PKHD1: variants seen among roughly 807,000 people sequenced by gnomAD.
PKHD1 encodes PKHD1 ciliary IPT domain containing fibrocystin/polyductin, also known as fibrocystin.
Under a neutral mutation model 412.0 loss-of-function variants are expected in PKHD1, and 291 were observed. That is an observed-to-expected ratio of 0.71 (90% CI 0.64 to 0.78). PKHD1 has a LOEUF of 0.78. PKHD1 is among the 30% of genes least tolerant of loss of function. The probability of loss-of-function intolerance (pLI) is 0.00; values close to 1 mark genes in which losing one functional copy is unlikely to be tolerated. For synonymous variants in PKHD1, 1,777 were observed against 1,821.5 expected, an observed-to-expected ratio of 0.98 and a Z score of 0.62; for missense variants, 4,825 against 4,950.7, an observed-to-expected ratio of 0.97 and a Z score of 0.76.
intron 51 of PKHD1, among the ~76,000 whole-genome samples, chr6:51,835,589 A>T (rs1769068918): frequency 6.6e-6 from 1 of 152,218 alleles, no homozygotes; most frequent in African/African-American, 2.4e-5. Context: ...GCAAAGAGAG[A>T]TGAAGGACAA....
At chr6:51,780,390 GAA>G (rs1404226110) in intron 53 of PKHD1, among the ~76,000 whole-genome samples, 1 of 129,008 alleles carries the variant, frequency 7.8e-6, no homozygotes. Context: ...CCATCTCAAA[GAA>G]AAAAAAAAAA....
intron 60 of PKHD1, among the ~76,000 whole-genome samples, chr6:51,697,593 G>A (rs891934292): frequency 3.3e-5 from 5 of 152,180 alleles, no homozygotes; most frequent in African/African-American, 9.7e-5. Context: ...GTACACCCCC[G>A]TGTCCCCAGT....
intron 25 of PKHD1, among the ~76,000 whole-genome samples, chr6:52,044,393 G>A (rs747818583): frequency 6.6e-6 from 1 of 152,090 alleles, no homozygotes; most frequent in African/African-American, 2.4e-5. Flanking sequence ...AAAGGAAGAG[G>A]TATTGCAATG....
chr6:51,858,862 A>T (rs1482661038), intron 48 of PKHD1, among the ~76,000 whole-genome samples: 2 of 152,164 alleles, frequency 1.3e-5, no homozygotes, highest in African/African-American at 4.8e-5. Flanking sequence ...GGGTCAAGAG[A>T]TTTCCTGCAA....
At chr6:52,086,498 C>A (rs1486371160) in intron 1 of PKHD1, among the ~76,000 whole-genome samples, 1 of 151,956 alleles carries the variant, frequency 6.6e-6, no homozygotes, top group Non-Finnish European at 1.5e-5. Context: ...TATACTCCCC[C>A]CCTCAAAAAA....
chr6:51,925,608 A>C (rs1008736628), intron 37 of PKHD1, among the ~76,000 whole-genome samples: 4 of 152,196 alleles, frequency 2.6e-5, no homozygotes, highest in Non-Finnish European at 4.4e-5. Context: ...AGTATGAAGT[A>C]ACTTGAACTG....
chr6:52,004,960 C>G (rs1581699122), intron 35 of PKHD1, among the ~76,000 whole-genome samples: 1 of 152,116 alleles, frequency 6.6e-6, no homozygotes, highest in South Asian at 2.1e-4. Context: ...TCAAGGGACC[C>G]CTGCAGACTT....
chr6:51,889,362 G>T (rs574834655), intron 43 of PKHD1, among the ~76,000 whole-genome samples: 1 of 152,128 alleles, frequency 6.6e-6, no homozygotes, highest in Non-Finnish European at 1.5e-5. Flanking sequence ...CTCTATGCAG[G>T]GCTCAGTGGG....
At chr6:51,654,118 AT>A in intron 61 of PKHD1, among the ~76,000 whole-genome samples, 1 of 152,292 alleles carries the variant, frequency 6.6e-6, no homozygotes, top group East Asian at 1.9e-4. Context: ...TATGTGATAT[AT>A]TGAATGATAA....
intron 36 of PKHD1, among the ~76,000 whole-genome samples, chr6:51,946,149 AT>A: frequency 6.6e-6 from 1 of 152,320 alleles, no homozygotes; most frequent in Middle Eastern, 3.4e-3. Flanking sequence ...TTGAAACATC[AT>A]TTACTGACAG....
chr6:51,663,442 T>C (rs1284075013), intron 60 of PKHD1, among the ~76,000 whole-genome samples: 1 of 152,144 alleles, frequency 6.6e-6, no homozygotes, highest in Non-Finnish European at 1.5e-5. Context: ...TTCTCAATCA[T>C]TCTCTGCTAC....
intron 30 of PKHD1, 92 bp from the exon 31 acceptor site, chr6:52,027,988 A>G: frequency 8.4e-7 from 1 of 1,194,158 alleles, no homozygotes; most frequent in East Asian, 2.3e-5. Context: ...TGAGGAGAAG[A>G]GCAAACTGTC....
chr6:51,660,996 C>T (rs142804947), intron 60 of PKHD1, among the ~76,000 whole-genome samples: 182 of 152,214 alleles, frequency 1.2e-3, no homozygotes, highest in African/African-American at 3.7e-3. Flanking sequence ...GGCAACCAGC[C>T]TCCATCCTGA....
At chr6:51,707,417 T>C (rs1443161202) in intron 60 of PKHD1, among the ~76,000 whole-genome samples, 1 of 152,122 alleles carries the variant, frequency 6.6e-6, no homozygotes, top group African/African-American at 2.4e-5. Flanking sequence ...CAAACTCAAT[T>C]TCTTCCACCT....
intron 54 of PKHD1, among the ~76,000 whole-genome samples, chr6:51,773,551 A>T (rs1790501773): frequency 6.6e-6 from 1 of 151,416 alleles, no homozygotes; most frequent in Non-Finnish European, 1.5e-5. Context: ...TTATATTTAG[A>T]TAAAAAATAT....
chr6:51,776,464 C>T (rs1232586979), intron 53 of PKHD1, among the ~76,000 whole-genome samples: 2 of 151,974 alleles, frequency 1.3e-5, no homozygotes, highest in African/African-American at 4.8e-5. Context: ...TTGATGTAAA[C>T]CACTGAGATT....
Position 51,903,703 on chromosome 6 carries a change from A to G in PKHD1, c.6890T>C (p.Ile2297Thr). Reference protein sequence around the residue: ...KDDWSGHGNIIRNNVIIQVSG... With the variant: ...KDDWSGHGNITRNNVIIQVSG... ...AACCTGGATGATCACGTTGTTTCTT[A>G]TTATATTTCCATGTCCTGACCAGTC... Residue 2297 changes from isoleucine to threonine, a missense_variant, in exon 43 of 67, where the codon ATA becomes ACA. By Grantham distance (89) the Ile-to-Thr change is moderately conservative. Transcript: ENST00000371117. 1 of 1,611,524 alleles carries G rather than the reference A, an allele frequency of 6.2e-7. No homozygotes were observed.
chr6:52,063,746 C>T lies in PKHD1; in HGVS notation c.977-1086G>A, dbSNP rs143562849. ...CACCACTTCCGGTCTAACAGCCAAA[C>T]ATGTTTCTACACATTGCTACGTGTC... On this transcript the variant is annotated intron_variant, in intron 13 of 66. Transcript: ENST00000371117. Among the ~76,000 whole-genome samples the T allele has an allele frequency of 4.7e-3, 720 of 152,292 alleles. 4 individuals carry two copies. Among genetic ancestry groups the T allele is most frequent in the Non-Finnish European group, 6.8e-3 (462 of 68,022 alleles).
At chr6:51,733,634 A>G (rs766248040) in intron 60 of PKHD1, among the ~76,000 whole-genome samples, 4 of 152,206 alleles carry the variant, frequency 2.6e-5, no homozygotes, top group Admixed American at 6.5e-5. Context: ...AACTAAAAAA[A>G]TGTCATATAT....
Sources: allele counts gnomAD v4.1 joint callset (sites outside exome capture counted in the v4.1 genomes callset), GRCh38; gene constraint gnomAD v4.1.1; transcripts MANE v1.5; gene names NCBI Gene and HGNC (gene_info 2026-07-23, HGNC 2026-07-21).